The following AKAP19 variants were observed in gnomAD, a reference collection of about 807,000 sequenced individuals.
AKAP19 encodes small A-kinase anchoring protein.
At chr2:189,885,480 A>G in the AKAP19 span, among the ~76,000 whole-genome samples, 1 of 152,254 alleles carries the variant, frequency 6.6e-6, no homozygotes, top group Non-Finnish European at 1.5e-5. Context: ...CTTCACTCTC[A>G]GCAGCCATCT....
the AKAP19 span, among the ~76,000 whole-genome samples, chr2:189,974,730 T>G: frequency 6.6e-6 from 1 of 152,232 alleles, no homozygotes; most frequent in Non-Finnish European, 1.5e-5. Context: ...TTTACCATTA[T>G]GTAATGGTGT....
the AKAP19 span, among the ~76,000 whole-genome samples, chr2:190,082,817 T>C: frequency 2.6e-5 from 4 of 152,344 alleles, no homozygotes; most frequent in Non-Finnish European, 4.4e-5. Flanking sequence ...AAACCCACTT[T>C]CTCTCCACTA....
the AKAP19 span, among the ~76,000 whole-genome samples, chr2:190,097,066 T>A: frequency 1.3e-5 from 2 of 152,150 alleles, no homozygotes; most frequent in Admixed American, 6.5e-5. Context: ...GTCTCAAAAT[T>A]TTTTTTTCAA....
At chr2:190,057,976 AGAG>A in the AKAP19 span, among the ~76,000 whole-genome samples, 2 of 151,982 alleles carry the variant, frequency 1.3e-5, no homozygotes, top group Non-Finnish European at 2.9e-5. Context: ...AAGGAGAGAG[AGAG>A]GAGAAGAAGA....
chr2:190,082,818 C>A, the AKAP19 span, among the ~76,000 whole-genome samples: 1 of 152,184 alleles, frequency 6.6e-6, no homozygotes, highest in African/African-American at 2.4e-5. Flanking sequence ...AACCCACTTT[C>A]TCTCCACTAT....
the AKAP19 span, among the ~76,000 whole-genome samples, chr2:189,948,838 A>G: frequency 6.6e-6 from 1 of 150,750 alleles, no homozygotes; most frequent in African/African-American, 2.4e-5. Context: ...TTTCTTATTT[A>G]TATGTTTTGG....
chr2:189,927,013 A>G, the AKAP19 span, among the ~76,000 whole-genome samples: 1 of 152,030 alleles, frequency 6.6e-6, no homozygotes, highest in African/African-American at 2.4e-5. Flanking sequence ...CCTCCCAAGT[A>G]GCTAGGGCTA....
At chr2:189,898,244 G>A in the AKAP19 span, among the ~76,000 whole-genome samples, 1 of 152,010 alleles carries the variant, frequency 6.6e-6, no homozygotes, top group South Asian at 2.1e-4. Flanking sequence ...GCAGCTTTTG[G>A]ATGATTCAGG....
At chr2:189,879,592 G>A in the AKAP19 span, 1 of 152,254 alleles carries the variant, frequency 6.6e-6, no homozygotes, top group Non-Finnish European at 1.5e-5. Flanking sequence ...TCCTCCACAA[G>A]TCCTTACAAC....
the AKAP19 span, among the ~76,000 whole-genome samples, chr2:189,976,257 TG>T: frequency 3.9e-5 from 6 of 152,244 alleles, no homozygotes; most frequent in Non-Finnish European, 8.8e-5. Flanking sequence ...AGACCCTGTT[TG>T]CCTGAGTATC....
the AKAP19 span, among the ~76,000 whole-genome samples, chr2:189,954,068 TC>T: frequency 6.6e-6 from 1 of 152,078 alleles, no homozygotes; most frequent in Non-Finnish European, 1.5e-5. Context: ...GGTTGGGGAA[TC>T]CCTGTCAGTG....
chr2:190,144,366 C>T, the AKAP19 span, among the ~76,000 whole-genome samples: 119 of 152,046 alleles, frequency 7.8e-4, no homozygotes, highest in Non-Finnish European at 1.5e-3. Flanking sequence ...ATCTAAACCA[C>T]GTTACTTTGC....
chr2:190,198,656 G>T, the AKAP19 span, among the ~76,000 whole-genome samples: 2 of 130,024 alleles, frequency 1.5e-5, no homozygotes, highest in African/African-American at 5.8e-5. Flanking sequence ...AAAAAAAAAA[G>T]GTGTTTTCAG....
chr2:190,140,152 T>TA, the AKAP19 span, among the ~76,000 whole-genome samples: 1 of 152,222 alleles, frequency 6.6e-6, no homozygotes, highest in Non-Finnish European at 1.5e-5. Context: ...CACACTGATA[T>TA]AAGAGGTGAG....
the AKAP19 span, among the ~76,000 whole-genome samples, chr2:190,041,566 T>C: frequency 6.6e-6 from 1 of 152,102 alleles, no homozygotes; most frequent in Non-Finnish European, 1.5e-5. Flanking sequence ...TGAATAGGAG[T>C]GGTGAGAGAG....
At chr2:189,934,155 A>G in the AKAP19 span, among the ~76,000 whole-genome samples, 41 of 152,128 alleles carry the variant, frequency 2.7e-4, no homozygotes, top group Admixed American at 1.3e-3. Flanking sequence ...AAAATTATAC[A>G]GAGTAAGAAA....
At chr2:190,073,304 C>T in the AKAP19 span, among the ~76,000 whole-genome samples, 1 of 152,292 alleles carries the variant, frequency 6.6e-6, no homozygotes, top group East Asian at 1.9e-4. Context: ...ATAGATGATT[C>T]TTCCAAATCC....
chr2:189,929,103 C>T, the AKAP19 span, among the ~76,000 whole-genome samples: 1 of 152,160 alleles, frequency 6.6e-6, no homozygotes, highest in African/African-American at 2.4e-5. Context: ...TGTGGTTATA[C>T]AAATTCTGCA....
chr2:190,097,402 G>A, the AKAP19 span, among the ~76,000 whole-genome samples: 1 of 152,168 alleles, frequency 6.6e-6, no homozygotes, highest in African/African-American at 2.4e-5. Context: ...TGATCAGGGT[G>A]GTAGTTGCTG....
Sources: gnomAD v4.1 joint callset for allele counts (sites outside exome capture counted in the v4.1 genomes callset) on GRCh38, gnomAD v4.1.1 for gene constraint, MANE v1.5 for transcripts, NCBI Gene and HGNC (gene_info 2026-07-23, HGNC 2026-07-21) for gene names.